Variants in PBX1 observed in about 807,000 individuals in gnomAD.
PBX1 encodes the protein PBX homeobox 1, also known as pre-B-cell leukemia transcription factor 1.
In PBX1, 6 loss-of-function variants were observed where a neutral mutation model predicts 53.4. The observed-to-expected ratio is 0.11, with a 90% CI of 0.06 to 0.22. The LOEUF (loss-of-function observed/expected upper bound fraction) is 0.22, where lower values mean the gene tolerates loss of function less well. PBX1 is among the 10% of genes least tolerant of loss of function. The pLI, the probability that PBX1 is intolerant of heterozygous loss-of-function variation, is 1.00. For missense variants in PBX1, 251 were observed against 551.4 expected, an observed-to-expected ratio of 0.46 and a Z score of 5.46; for synonymous variants, 204 against 212.3, an observed-to-expected ratio of 0.96 and a Z score of 0.34.
At position 164,850,435 on chromosome 1, in the gene PBX1, T is replaced by G. The variant is rs1426225899; in HGVS notation, c.*3759T>G. On this transcript the variant is annotated 3_prime_UTR_variant, in exon 9 of 9. Coordinates refer to ENST00000420696, the MANE Select transcript of PBX1 (RefSeq NM_002585.4). The stretch of plus-strand genomic sequence containing the variant: ...AACTTTGAGACCCAGAAATAAATTC[T>G]TTTCTTTTCTTGATTCTTGCTCTTA... 3 of 202,306 alleles carry G rather than the reference T, an allele frequency of 1.5e-5. No homozygotes were observed. The highest frequency in any genetic ancestry group is 2.3e-5 in the African/African-American group (1 of 43,562). The allele number at this position is 202,306 out of a possible 1,614,324, so 12.5% of individuals were successfully genotyped here. A position where few individuals can be genotyped will look rare whatever the true frequency, so the allele number is the denominator to read the frequency against.
At chr1:164,616,060 T>C (rs1571072284) in intron 2 of PBX1, among the ~76,000 whole-genome samples, 2 of 152,208 alleles carry the variant, frequency 1.3e-5, no homozygotes, top group African/African-American at 4.8e-5. Flanking sequence ...ATGTGAAATA[T>C]GGTCTTGTAA....
chr1:164,831,639 T>C (rs1370162976), intron 8 of PBX1, among the ~76,000 whole-genome samples: 1 of 152,188 alleles, frequency 6.6e-6, no homozygotes, highest in East Asian at 1.9e-4. Context: ...TTCGCCCACC[T>C]CAGCCTCCCA....
At chr1:164,778,647 AAAAG>A (rs200956802) in intron 2 of PBX1, among the ~76,000 whole-genome samples, 2,174 of 152,136 alleles carry the variant, frequency 0.014, 60 homozygotes, top group African/African-American at 0.05. Context: ...AAAAAAAAAA[AAAAG>A]AAGAACAGGT....
intron 2 of PBX1, chr1:164,680,323 C>G (rs752246506): frequency 1.3e-5 from 2 of 152,158 alleles, no homozygotes; most frequent in Non-Finnish European, 2.9e-5. Flanking sequence ...TTGGGGATAT[C>G]TGAAAGAGAG....
chr1:164,614,886 G>T (rs947189524), intron 2 of PBX1, among the ~76,000 whole-genome samples: 2 of 152,062 alleles, frequency 1.3e-5, no homozygotes, highest in Non-Finnish European at 2.9e-5. Flanking sequence ...CGATTCTCTT[G>T]CCTCAGCCTC....
At chr1:164,845,634 T>G (rs1202427325) in intron 8 of PBX1, among the ~76,000 whole-genome samples, 2 of 152,218 alleles carry the variant, frequency 1.3e-5, no homozygotes, top group Admixed American at 6.5e-5. Context: ...ACTATTTTAG[T>G]GCTGGGATTT....
intron 2 of PBX1, among the ~76,000 whole-genome samples, chr1:164,874,664 T>G (rs1005101181): frequency 1.3e-5 from 2 of 152,148 alleles, no homozygotes; most frequent in Non-Finnish European, 2.9e-5. Flanking sequence ...CAGCTAATTT[T>G]TGTATTTTTG....
Position 164,782,820 on chromosome 1 carries a change from G to A in PBX1, c.266-9674G>A, listed in dbSNP as rs183769669. ...GAGGTGTGCACAGCCCAGGCAAGTC[G>A]TTGTAATATTTCACCCATGGGGTTT... On this transcript the variant is annotated intron_variant, in intron 2 of 8. Transcript: ENST00000420696. Among the ~76,000 whole-genome samples the A allele has an allele frequency of 1.5e-3, 222 of 152,276 alleles. 4 individuals are homozygous for A. In the South Asian group the frequency reaches 0.025, roughly 17 times the overall value.
At chr1:164,831,925 T>G (rs1670787262) in intron 8 of PBX1, among the ~76,000 whole-genome samples, 2 of 152,202 alleles carry the variant, frequency 1.3e-5, no homozygotes, top group African/African-American at 4.8e-5. Flanking sequence ...TGGTTTAGTT[T>G]TATTCTACAC....
At chr1:164,699,661 T>C (rs149575880) in intron 2 of PBX1, among the ~76,000 whole-genome samples, 1 of 152,266 alleles carries the variant, frequency 6.6e-6, no homozygotes, top group East Asian at 1.9e-4. Flanking sequence ...GGGAAATCAC[T>C]TCTTTGTCTA....
intron 2 of PBX1, chr1:164,680,494 A>G (rs1661695428): frequency 6.6e-6 from 1 of 152,124 alleles, no homozygotes; most frequent in Admixed American, 6.5e-5. Flanking sequence ...CTGATTTTAT[A>G]CTCTTATGCA....
At chr1:164,765,722 A>G (rs1303240965) in intron 2 of PBX1, among the ~76,000 whole-genome samples, 1 of 152,204 alleles carries the variant, frequency 6.6e-6, no homozygotes, top group Non-Finnish European at 1.5e-5. Context: ...TCAGACAGCT[A>G]ACAAGAGGCA....
At chr1:164,840,341 A>G (rs1671233564) in intron 8 of PBX1, among the ~76,000 whole-genome samples, 1 of 141,180 alleles carries the variant, frequency 7.1e-6, no homozygotes, top group Admixed American at 6.9e-5. Context: ...CATGGGATAT[A>G]CTTATAAAAT....
intron 2 of PBX1, among the ~76,000 whole-genome samples, chr1:164,622,632 G>A (rs1657757260): frequency 6.6e-6 from 1 of 152,050 alleles, no homozygotes; most frequent in Non-Finnish European, 1.5e-5. Flanking sequence ...ACTTTCCTGA[G>A]CCAAGCACTT....
At chr1:164,568,263 T>C (rs1653575997) in intron 2 of PBX1, among the ~76,000 whole-genome samples, 1 of 152,160 alleles carries the variant, frequency 6.6e-6, no homozygotes, top group Non-Finnish European at 1.5e-5. Context: ...TGGTTTCAAA[T>C]CTCTTTTAGA....
At chr1:164,865,021 C>T (rs941054583) in intron 2 of PBX1, among the ~76,000 whole-genome samples, 26 of 152,212 alleles carry the variant, frequency 1.7e-4, no homozygotes, top group African/African-American at 6.0e-4. Context: ...AGGGTCACGA[C>T]CCCACAGACA....
rs1180229062 is a variant in PBX1 at position 164,870,210 on chromosome 1, T to TTCC, written n.258-28977_258-28976insCCT. Among the ~76,000 whole-genome samples the TTCC allele has an allele frequency of 7.8e-4, 50 of 64,512 alleles. 2 individuals are homozygous for TTCC. The South Asian group carries it at 0.016, about 20-fold the overall frequency. 42.3% of individuals were successfully genotyped at this position (64,512 alleles called of 152,430 possible). A position where few individuals can be genotyped will look rare whatever the true frequency, so the allele number is the denominator to read the frequency against. ...CTATTGACTTTCTTTCTTTCTTTCT[T>TTCC]TTCTTTCTTTCCTTCCTTCCTTCCT... On this transcript the variant is annotated intron_variant and non_coding_transcript_variant, in intron 2 of 2. Coordinates refer to the PBX1 transcript ENST00000558796.
chr1:164,862,459 C>T (rs1320938398), intron 2 of PBX1, among the ~76,000 whole-genome samples: 1 of 152,176 alleles, frequency 6.6e-6, no homozygotes, highest in Non-Finnish European at 1.5e-5. Context: ...ACCAAGAACA[C>T]TTTTATGTCA....
At chr1:164,872,537 A>C (rs1672406541) in intron 2 of PBX1, among the ~76,000 whole-genome samples, 1 of 152,220 alleles carries the variant, frequency 6.6e-6, no homozygotes, top group Non-Finnish European at 1.5e-5. Context: ...CAGAACAAAA[A>C]CGTGGGTTAT....
Sources: gnomAD v4.1 joint callset for allele counts (sites outside exome capture counted in the v4.1 genomes callset) on GRCh38, gnomAD v4.1.1 for gene constraint, MANE v1.5 for transcripts, NCBI Gene and HGNC (gene_info 2026-07-23, HGNC 2026-07-21) for gene names.